Variants in DBN1 observed in about 807,000 individuals in gnomAD.
DBN1 encodes drebrin.
In DBN1, 21 loss-of-function variants were observed where a neutral mutation model predicts 83.5. That is an observed-to-expected ratio of 0.25 (90% CI 0.18 to 0.36). The LOEUF (loss-of-function observed/expected upper bound fraction) is 0.36. Among genes scored for constraint, DBN1 ranks in the 10% least tolerant of loss-of-function variants. DBN1 has a pLI of 1.00. For synonymous variants in DBN1, 381 were observed against 384.9 expected (o/e 0.99, Z 0.12); for missense variants, 874 against 935.7 (o/e 0.93, Z 0.86).
At position 177,467,671 on chromosome 5, in the gene DBN1, G is replaced by A. The variant is rs779680099; in HGVS notation, c.331-44C>T. On this transcript the variant is annotated intron_variant, in intron 4 of 14. Transcript: ENST00000393565. This position sits in a 1 kb window ranked among gnomAD's most constrained non-coding sequence, Gnocchi z 9.1. Reference sequence around the variant, plus strand: ...AGTGCTCAGGCGGCACCATCCTCCCGCCATCCCCACCCCAGCACGCAGACC... The same window carrying A: ...AGTGCTCAGGCGGCACCATCCTCCCACCATCCCCACCCCAGCACGCAGACC... 13 of 1,559,512 alleles carry A rather than the reference G, an allele frequency of 8.3e-6. No individual in the cohort carries two copies. The highest frequency in any genetic ancestry group is 7.7e-5 in the Admixed American group (4 of 52,002).
intron 10 of DBN1, 30 bp from the exon 11 acceptor site, chr5:177,459,770 CAGAGG>C: frequency 6.9e-7 from 1 of 1,456,920 alleles, no homozygotes; most frequent in Non-Finnish European, 9.1e-7. Flanking sequence ...GAGAAAGAGA[CAGAGG>C]ACAAGAGAGG....
At chr5:177,471,201 T>C (rs1194252835) in intron 1 of DBN1, among the ~76,000 whole-genome samples, 2 of 151,918 alleles carry the variant, frequency 1.3e-5, no homozygotes, top group African/African-American at 4.8e-5. Context: ...TGAGGGCAGG[T>C]GGACCCCGCA....
intron 1 of DBN1, among the ~76,000 whole-genome samples, chr5:177,470,832 C>T (rs1561689890): frequency 6.6e-6 from 1 of 152,178 alleles, no homozygotes; most frequent in Non-Finnish European, 1.5e-5. Context: ...GCACCCCGAG[C>T]CTGGTGGTGC....
In DBN1 at chr5:177,473,455, C is replaced by T; in HGVS notation, c.67G>A (p.Glu23Lys). 1 of 1,436,294 alleles carries T rather than the reference C, an allele frequency of 7.0e-7. No individual in the cohort carries two copies. Among genetic ancestry groups the T allele is most frequent in the Non-Finnish European group, 9.2e-7 (1 of 1,088,476 alleles). 89.0% of individuals were successfully genotyped at this position (1,436,294 alleles called of 1,614,324 possible). A position where few individuals can be genotyped will look rare whatever the true frequency, so the allele number is the denominator to read the frequency against. ...LLAAYEEVIREESAADWALYT... is the reference protein window; with the variant it reads ...LLAAYEEVIRKESAADWALYT... Reference sequence around the variant, plus strand: ...GCTCACCAGTCGGCCGCGCTCTCCTCTCGGATCACCTCCTCGTAAGCCGCC... The same window carrying T: ...GCTCACCAGTCGGCCGCGCTCTCCTTTCGGATCACCTCCTCGTAAGCCGCC... Residue 23 changes from glutamate to lysine, a missense_variant, in exon 1 of 15, where the codon GAG (glutamate) becomes AAG (lysine). Glu to Lys is a moderately conservative substitution (Grantham distance 56). Coordinates refer to ENST00000393565, the MANE Select transcript of DBN1 (RefSeq NM_001363541.2).
Position 177,467,326 on chromosome 5 carries a change from T to C in DBN1, c.484A>G (p.Thr162Ala), listed in dbSNP as rs1347922111. The C allele has an allele frequency of 6.2e-7, 1 of 1,614,134 alleles. No individual in the cohort carries two copies. The highest frequency in any genetic ancestry group is 1.7e-5 in the Admixed American group (1 of 60,024). Residue 162 changes from threonine to alanine, a missense_variant, in exon 6 of 15, where the codon ACC (threonine) becomes GCC (alanine). Physicochemically the swap from Thr to Ala is moderately conservative, Grantham distance 58. Transcript: ENST00000393565. This position sits in a 1 kb window ranked among gnomAD's most constrained non-coding sequence, Gnocchi z 9.1. ...EDENAEPVGT[T>A]YQKTDAAVEM... ...ACAGCTGCATCCGTCTTCTGGTAGG[T>C]GGTGCCCTGCAGTGTCGAAGGACCC...
intron 8 of DBN1, among the ~76,000 whole-genome samples, chr5:177,461,926 A>G (rs1443190623): frequency 6.6e-6 from 1 of 152,156 alleles, no homozygotes; most frequent in Non-Finnish European, 1.5e-5. Flanking sequence ...CACCACTTAA[A>G]AACCAGGAAC....
At chr5:177,468,709 A>C in intron 2 of DBN1, 135 bp downstream of exon 2, 1 of 521,308 alleles carries the variant, frequency 1.9e-6, no homozygotes, top group Non-Finnish European at 3.3e-6. Flanking sequence ...TGGAGGAAGG[A>C]CACCCGCCAG....
At position 177,457,521 on chromosome 5, in the gene DBN1, G is replaced by A. The variant is rs751755155; in HGVS notation, c.2018-18C>T. On this transcript the variant is annotated intron_variant, in intron 14 of 14. Coordinates refer to ENST00000393565, the MANE Select transcript of DBN1 (RefSeq NM_001363541.2). ...GTCGATCTCTGTGGCGTTAGAAAGG[G>A]AGAGGAGTTAGGGACCTAGCAGACC... 6.8e-6 allele frequency: 11 copies of A among 1,613,232 alleles called. No individual in the cohort carries two copies. In the South Asian group the frequency reaches 7.7e-5, roughly 11 times the overall value.
chr5:177,465,820 A>G (rs560699777), intron 8 of DBN1, among the ~76,000 whole-genome samples: 1 of 150,442 alleles, frequency 6.6e-6, no homozygotes, highest in East Asian at 2.0e-4. Flanking sequence ...ACGCCATTGC[A>G]TTCTACCCTG....
chr5:177,458,780 AAGG>A (rs1756771759), intron 12 of DBN1, 73 bp from the exon 13 acceptor site: 2 of 1,353,826 alleles, frequency 1.5e-6, no homozygotes, highest in East Asian at 5.1e-5. Context: ...CCCACCCACT[AAGG>A]AGTGAGGGAG....
rs760141522 is a variant in DBN1 at position 177,458,678 on chromosome 5, T to C, written c.1294A>G (p.Ser432Gly). The C allele has an allele frequency of 7.3e-5, 113 of 1,545,800 alleles. No individual in the cohort carries two copies. Among genetic ancestry groups the C allele is most frequent in the Non-Finnish European group, 9.4e-5 (108 of 1,150,662 alleles). The part of the protein sequence containing the change: ...ETQEPSPILD[S>G]EETRAAAPQA... Reference sequence around the variant, plus strand: ...GGGGCTGCTGCTCTGGTCTCCTCACTGTCTAGGATGGGGCTGGGCTCCTGG... The same window carrying C: ...GGGGCTGCTGCTCTGGTCTCCTCACCGTCTAGGATGGGGCTGGGCTCCTGG... The change falls in exon 13 of 15, where the codon AGT becomes GGT. Residue 432 changes from serine (S) to glycine (G), a missense_variant. Physicochemically the swap from Ser to Gly is moderately conservative, Grantham distance 56. Around this residue, in one of 4 missense-constraint regions of DBN1, gnomAD observed 725 missense variants for 719.7 expected, o/e 1.01. Transcript: ENST00000393565.
rs1401359787 is a variant in DBN1, at chr5:177,466,804, C to T, written c.739G>A (p.Ala247Thr). ...GACTGCTCCTTCAACCGCCTCTTGGCCTCTTCCGCTTCTAAAGTCTGCTGT... is the reference window on the plus strand; with the variant it reads ...GACTGCTCCTTCAACCGCCTCTTGGTCTCTTCCGCTTCTAAAGTCTGCTGT... ...RKQQTLEAEE[A>T]KRRLKEQSIF... The change falls in exon 8 of 15, where the codon GCC (alanine) becomes ACC (threonine). Residue 247 changes from alanine (A) to threonine (T), a missense_variant. By Grantham distance (58) the Ala-to-Thr change is moderately conservative. Around this residue, in one of 4 missense-constraint regions of DBN1, gnomAD observed 725 missense variants for 719.7 expected, o/e 1.01. Transcript: ENST00000393565. This position sits in a 1 kb window ranked among gnomAD's most constrained non-coding sequence, Gnocchi z 4.8. The T allele has an allele frequency of 6.8e-6, 11 of 1,614,058 alleles. No individual in the cohort carries two copies.
Position 177,456,997 on chromosome 5 carries a change from G to C in DBN1, c.*436C>G, listed in dbSNP as rs189418085. 2.1e-4 allele frequency: 38 copies of C among 178,538 alleles called. No individual in the cohort carries two copies. The Admixed American group carries it at 2.2e-3, about 10-fold the overall frequency. The allele number at this position is 178,538 out of a possible 1,614,324, so 11.1% of individuals were successfully genotyped here. ...TTCGTGCAAAATATCTGAAGCCCTG[G>C]ACAGAGAATACAAAGTGATATTTTC... On this transcript the variant is annotated 3_prime_UTR_variant, in exon 15 of 15. Transcript: ENST00000393565.
chr5:177,468,016 GGCCCTC>G, intron 3 of DBN1, 86 bp downstream of exon 3: 1 of 732,530 alleles, frequency 1.4e-6, no homozygotes. Context: ...AGCAGCTCTG[GGCCCTC>G]AGCCCCCTTC....
intron 1 of DBN1, among the ~76,000 whole-genome samples, 186 bp from the exon 2 acceptor site, chr5:177,469,085 G>A (rs1314459150): frequency 6.6e-6 from 1 of 152,024 alleles, no homozygotes; most frequent in Non-Finnish European, 1.5e-5. Flanking sequence ...TACTGCTGGA[G>A]GCCTGGGTCA....
Position 177,459,165 on chromosome 5 carries a change from C to G in DBN1, c.1197G>C (p.Glu399Asp), listed in dbSNP as rs1756812702. Residue 399 changes from glutamate to aspartate, a missense_variant, in exon 12 of 15, where the codon GAG becomes GAC. Transcript: ENST00000393565. ...TASTPVAEQI[E>D]RALDEVTSSQ... is the part of the protein sequence containing the mutation. ...AGGAGGTGACCTCATCCAGGGCCCGCTCTATCTGCTCAGCGACAGGGGTGG... is the reference window on the plus strand; with the variant it reads ...AGGAGGTGACCTCATCCAGGGCCCGGTCTATCTGCTCAGCGACAGGGGTGG... 4 of 1,611,368 alleles carry G rather than the reference C, an allele frequency of 2.5e-6. No individual in the cohort carries two copies. The highest frequency in any genetic ancestry group is 3.4e-6 in the Non-Finnish European group (4 of 1,178,902).
At chr5:177,457,886 CT>C in intron 13 of DBN1, 129 bp from the exon 14 acceptor site, 1 of 800,320 alleles carries the variant, frequency 1.2e-6, no homozygotes, top group Non-Finnish European at 1.9e-6. Context: ...GGATGCCTGC[CT>C]TGGGAACAAA....
At chr5:177,463,313 A>G (rs955390864) in intron 8 of DBN1, among the ~76,000 whole-genome samples, 1 of 152,218 alleles carries the variant, frequency 6.6e-6, no homozygotes, top group African/African-American at 2.4e-5. Context: ...CTGGGATTAC[A>G]GGCATGAGCC....
chr5:177,458,882 A>G (rs1252567829), intron 12 of DBN1, among the ~76,000 whole-genome samples, 175 bp from the exon 13 acceptor site: 8 of 152,192 alleles, frequency 5.3e-5, no homozygotes, highest in Non-Finnish European at 1.5e-5. Context: ...GAGGAAGGCC[A>G]AGGCCCGATT....
Sources: gnomAD v4.1 joint callset for allele counts (sites outside exome capture counted in the v4.1 genomes callset) on GRCh38, gnomAD v4.1.1 for gene constraint, gnomAD v4.1.1 regional missense constraint, Gnocchi (gnomAD v3.1) non-coding constraint, MANE v1.5 for transcripts, NCBI Gene and HGNC (gene_info 2026-07-23, HGNC 2026-07-21) for gene names.